Variants in MDFIC observed in about 807,000 individuals in gnomAD.
The protein encoded by MDFIC is MyoD family inhibitor domain containing, also known as myoD family inhibitor domain-containing protein.
In MDFIC, 17 loss-of-function variants were observed where a neutral mutation model predicts 23.2. The ratio of observed to expected loss-of-function variants is 0.73; its 90% CI spans 0.50 to 1.10. The LOEUF (loss-of-function observed/expected upper bound fraction) is 1.10. Ranked by LOEUF, MDFIC falls within the 50% of genes least tolerant of loss-of-function variation. The probability of loss-of-function intolerance (pLI) is 0.00; values close to 1 mark genes in which losing one functional copy is unlikely to be tolerated. For synonymous variants in MDFIC, 120 were observed against 115.2 expected (o/e 1.04, Z -0.27); for missense variants, 356 against 316.6 (o/e 1.12, Z -0.95).
chr7:114,945,842 T>C (rs1272088343), intron 3 of MDFIC, among the ~76,000 whole-genome samples: 1 of 152,234 alleles, frequency 6.6e-6, no homozygotes, highest in African/African-American at 2.4e-5. Context: ...TGACTTTTTA[T>C]CCTTTTTACA....
chr7:114,987,797 C>CT (rs1044166296), intron 4 of MDFIC, among the ~76,000 whole-genome samples: 23 of 151,880 alleles, frequency 1.5e-4, no homozygotes, highest in African/African-American at 5.6e-4. Context: ...AATTAGCTGT[C>CT]TTTTTTTAAA....
intron 3 of MDFIC, among the ~76,000 whole-genome samples, chr7:114,954,583 T>C (rs1051660819): frequency 6.6e-6 from 1 of 152,244 alleles, no homozygotes; most frequent in Non-Finnish European, 1.5e-5. Context: ...GTTTCCATTT[T>C]GGGTTCATTA....
intron 2 of MDFIC, among the ~76,000 whole-genome samples, chr7:114,935,598 A>G (rs995380657): frequency 4.6e-5 from 7 of 151,620 alleles, no homozygotes; most frequent in Non-Finnish European, 1.0e-4. Context: ...GAGGTGGCTT[A>G]TAAGAATACT....
intron 4 of MDFIC, among the ~76,000 whole-genome samples, chr7:114,992,047 C>T (rs1467147978): frequency 6.6e-6 from 1 of 152,160 alleles, no homozygotes; most frequent in Non-Finnish European, 1.5e-5. Context: ...TTGTAGTTCT[C>T]CTTGAAGAAG....
chr7:114,955,445 T>C (rs1181518579), intron 3 of MDFIC, among the ~76,000 whole-genome samples: 1 of 152,148 alleles, frequency 6.6e-6, no homozygotes, highest in Non-Finnish European at 1.5e-5. Context: ...TGGGAGTGTT[T>C]AACTGTATCT....
chr7:114,954,783 A>C (rs1317953507), intron 3 of MDFIC, among the ~76,000 whole-genome samples: 2 of 152,168 alleles, frequency 1.3e-5, no homozygotes, highest in Non-Finnish European at 2.9e-5. Flanking sequence ...ATACTACTAC[A>C]GTAGTGTTTT....
In MDFIC at chr7:114,922,997, G is replaced by A. The variant is rs772227220; in HGVS notation, c.-37G>A. On this transcript the variant is annotated 5_prime_UTR_variant, in exon 2 of 5. Transcript: ENST00000393486. The stretch of plus-strand genomic sequence containing the variant: ...TGCGCCCTGCCGGGCGGCGAGCTAG[G>A]CGGCAGCGGCGCGGCGCGGGCTCGG... 227 of 1,508,720 alleles carry A rather than the reference G, an allele frequency of 1.5e-4. No homozygotes were observed. The Middle Eastern group carries it at 2.1e-3, about 14-fold the overall frequency. The allele number at this position is 1,508,720 out of a possible 1,614,324, so 93.5% of individuals were successfully genotyped here.
intron 4 of MDFIC, among the ~76,000 whole-genome samples, chr7:114,987,804 T>A (rs7797550): frequency 0.012 from 1,795 of 152,238 alleles, 26 homozygotes; most frequent in Middle Eastern, 0.041. Flanking sequence ...TGTCTTTTTT[T>A]AAAAAATAAA....
chr7:114,997,403 C>A (rs758786097), intron 4 of MDFIC, among the ~76,000 whole-genome samples: 10 of 150,878 alleles, frequency 6.6e-5, no homozygotes, highest in Non-Finnish European at 1.2e-4. Context: ...TATGTGCATG[C>A]GTGCATGTGT....
chr7:114,991,794 G>C (rs957965732), intron 4 of MDFIC, among the ~76,000 whole-genome samples: 6 of 152,150 alleles, frequency 3.9e-5, no homozygotes, highest in Non-Finnish European at 7.3e-5. Flanking sequence ...GATGCCTCCA[G>C]CTTTGTTCTT....
chr7:114,956,821 A>G (rs1005568321), intron 3 of MDFIC, among the ~76,000 whole-genome samples: 7 of 152,182 alleles, frequency 4.6e-5, no homozygotes, highest in African/African-American at 1.7e-4. Flanking sequence ...CCTGAAACAA[A>G]GTTAGTAAAA....
intron 4 of MDFIC, among the ~76,000 whole-genome samples, chr7:115,011,089 T>C (rs1791672640): frequency 1.3e-5 from 2 of 152,226 alleles, no homozygotes; most frequent in Non-Finnish European, 2.9e-5. Context: ...GTGTTAGAAG[T>C]GACCCACTCC....
At chr7:114,976,955 C>G (rs1793328387) in intron 3 of MDFIC, among the ~76,000 whole-genome samples, 1 of 151,986 alleles carries the variant, frequency 6.6e-6, no homozygotes, top group Non-Finnish European at 1.5e-5. Context: ...CTGTTACAAC[C>G]TTAAATGTAA....
intron 3 of MDFIC, among the ~76,000 whole-genome samples, chr7:114,949,109 C>A (rs1182080625): frequency 2.0e-5 from 3 of 152,112 alleles, no homozygotes; most frequent in Admixed American, 6.5e-5. Flanking sequence ...TCATTAATAT[C>A]ATTATTCTAA....
intron 2 of MDFIC, among the ~76,000 whole-genome samples, chr7:114,924,002 A>G (rs1792141906): frequency 6.6e-6 from 1 of 152,232 alleles, no homozygotes; most frequent in Admixed American, 6.5e-5. Flanking sequence ...AGTGAATCTT[A>G]GGGATTTTTT....
At chr7:115,000,189 C>A (rs2116076024) in intron 4 of MDFIC, among the ~76,000 whole-genome samples, 1 of 152,254 alleles carries the variant, frequency 6.6e-6, no homozygotes, top group South Asian at 2.1e-4. Flanking sequence ...TTTACATATA[C>A]AAATACTTAC....
At chr7:115,000,221 A>T (rs904071733) in intron 4 of MDFIC, among the ~76,000 whole-genome samples, 1 of 152,196 alleles carries the variant, frequency 6.6e-6, no homozygotes, top group Non-Finnish European at 1.5e-5. Context: ...AGGTACCTAC[A>T]GTACTCAGTA....
At chr7:114,953,807 T>C (rs926173448) in intron 3 of MDFIC, among the ~76,000 whole-genome samples, 2 of 152,208 alleles carry the variant, frequency 1.3e-5, no homozygotes, top group Non-Finnish European at 2.9e-5. Flanking sequence ...TTAAATTGTC[T>C]CTACATTACT....
intron 4 of MDFIC, chr7:115,014,340 G>T: frequency 1.6e-6 from 2 of 1,262,770 alleles, no homozygotes; most frequent in Non-Finnish European, 2.0e-6. Context: ...ATAGTAGAGG[G>T]ATTCTGTCAA....
Sources: gnomAD v4.1 joint callset for allele counts (sites outside exome capture counted in the v4.1 genomes callset) on GRCh38, gnomAD v4.1.1 for gene constraint, MANE v1.5 for transcripts, NCBI Gene and HGNC (gene_info 2026-07-23, HGNC 2026-07-21) for gene names.